The following ATP10B variants were observed in gnomAD, a reference collection of about 807,000 sequenced individuals.
ATP10B encodes phospholipid-transporting ATPase VB.
A neutral mutation model predicts 141.2 loss-of-function variants in ATP10B; 122 were observed. The ratio of observed to expected loss-of-function variants is 0.86; its 90% confidence interval spans 0.75 to 1.00. The LOEUF (loss-of-function observed/expected upper bound fraction) is 1.00. ATP10B is among the 50% of genes least tolerant of loss of function. The pLI is 0.00. For synonymous variants in ATP10B, 685 were observed against 692.0 expected, an observed-to-expected ratio of 0.99 and a Z score of 0.16; for missense variants, 1,876 against 1,825.3, an observed-to-expected ratio of 1.03 and a Z score of -0.51.
chr5:160,582,856 C>T (rs1755644922), intron 24 of ATP10B, among the ~76,000 whole-genome samples: 1 of 152,070 alleles, frequency 6.6e-6, no homozygotes, highest in Admixed American at 6.6e-5. Context: ...TCCTTTCTTC[C>T]ACTTGATCGA....
At chr5:160,741,662 G>A (rs758767254) in intron 2 of ATP10B, among the ~76,000 whole-genome samples, 1 of 152,092 alleles carries the variant, frequency 6.6e-6, no homozygotes, top group Non-Finnish European at 1.5e-5. Flanking sequence ...TTACCCAGTT[G>A]AGCCTCTTAG....
At chr5:160,909,297 G>A in the ATP10B span, among the ~76,000 whole-genome samples, 1 of 151,942 alleles carries the variant, frequency 6.6e-6, no homozygotes, top group African/African-American at 2.4e-5. Context: ...GTGTGTGTGT[G>A]TTTTTTTTAA....
chr5:160,652,823 A>G (rs1166794955), intron 7 of ATP10B, among the ~76,000 whole-genome samples: 1 of 96,006 alleles, frequency 1.0e-5, no homozygotes, highest in Non-Finnish European at 1.8e-5. Context: ...ATTATATATT[A>G]ATTATATATA....
chr5:160,887,723 A>C, the ATP10B span, among the ~76,000 whole-genome samples: 1 of 152,110 alleles, frequency 6.6e-6, no homozygotes, highest in Non-Finnish European at 1.5e-5. Context: ...TCTTTCAGTC[A>C]CTGTCCCTGC....
At chr5:160,637,246 A>ATCCATATAC (rs1278863835) in intron 10 of ATP10B, among the ~76,000 whole-genome samples, 11 of 147,532 alleles carry the variant, frequency 7.5e-5, no homozygotes, top group Non-Finnish European at 3.0e-5. Context: ...CCATTCATCC[A>ATCCATATAC]TCCATATACT....
intron 1 of ATP10B, among the ~76,000 whole-genome samples, chr5:160,807,364 CA>C (rs1288052470): frequency 1.3e-5 from 2 of 152,048 alleles, no homozygotes; most frequent in South Asian, 4.2e-4. Context: ...ATTACCTATT[CA>C]AAATGGACTT....
rs548368584 is a variant in ATP10B at position 160,785,754 on chromosome 5, C to T, written c.-526G>A. On this transcript the variant is annotated 5_prime_UTR_variant, in exon 2 of 26. It removes an upstream start codon present in the reference 5' UTR. Coordinates refer to ENST00000327245, the MANE Select transcript of ATP10B (RefSeq NM_025153.3). ...TACTTACTCTTCACACTGTTGCTTTCATTGAAACAAATGTCACCAGTCGGT... is the reference window on the plus strand; with the variant it reads ...TACTTACTCTTCACACTGTTGCTTTTATTGAAACAAATGTCACCAGTCGGT... 962 of 1,141,660 alleles carry T rather than the reference C, an allele frequency of 8.4e-4. No homozygotes were observed. The highest frequency in any genetic ancestry group is 1.0e-3 in the Non-Finnish European group (878 of 879,234). 70.7% of individuals were successfully genotyped at this position (1,141,660 alleles called of 1,614,324 possible).
Position 160,737,703 on chromosome 5 carries a change from G to A in ATP10B, c.-330-20669C>T, listed in dbSNP as rs144239302. On this transcript the variant is annotated intron_variant, in intron 2 of 25. Coordinates refer to ENST00000327245, the MANE Select transcript of ATP10B (RefSeq NM_025153.3). ...AACCAAAGATGTAGGTTGGCTATAC[G>A]AGAAATATGAGAAAAAAGAAGAGGC... Among the ~76,000 whole-genome samples, 423 of 152,082 alleles carry A rather than the reference G, an allele frequency of 2.8e-3. 3 individuals carry two copies. Among genetic ancestry groups the A allele is most frequent in the African/African-American group, 9.4e-3 (390 of 41,502 alleles).
At chr5:160,593,705 G>T (rs1756481905) in intron 22 of ATP10B, among the ~76,000 whole-genome samples, 7 of 152,208 alleles carry the variant, frequency 4.6e-5, no homozygotes, top group Non-Finnish European at 1.5e-5. Flanking sequence ...CTAATACAGA[G>T]AAGTGCTTAA....
chr5:160,649,001 A>C (rs1760505949), intron 8 of ATP10B, among the ~76,000 whole-genome samples, 170 bp downstream of exon 8: 1 of 151,814 alleles, frequency 6.6e-6, no homozygotes, highest in South Asian at 2.1e-4. Context: ...GCAAAAAAAA[A>C]AAAATAGAAA....
intron 2 of ATP10B, among the ~76,000 whole-genome samples, chr5:160,785,165 A>G (rs112956463): frequency 6.4e-4 from 98 of 152,260 alleles, no homozygotes; most frequent in African/African-American, 2.4e-3. Flanking sequence ...CTCCATTGAC[A>G]ATCTATGGAC....
chr5:160,908,155 TGTCACTATGTGC>T, the ATP10B span, among the ~76,000 whole-genome samples: 1 of 152,188 alleles, frequency 6.6e-6, no homozygotes, highest in Non-Finnish European at 1.5e-5. Flanking sequence ...CATTACACTA[TGTCACTATGTGC>T]TATCTTTTTA....
intron 3 of ATP10B, among the ~76,000 whole-genome samples, chr5:160,693,178 C>T (rs1011897073): frequency 6.6e-6 from 1 of 151,796 alleles, no homozygotes; most frequent in Non-Finnish European, 1.5e-5. Flanking sequence ...GCATAATTCT[C>T]GGTTGAATCC....
the ATP10B span, among the ~76,000 whole-genome samples, chr5:160,903,562 C>T: frequency 1.3e-5 from 2 of 152,134 alleles, no homozygotes; most frequent in South Asian, 4.1e-4. Context: ...ATGCCAACTA[C>T]CTAACAATTT....
intron 7 of ATP10B, among the ~76,000 whole-genome samples, chr5:160,663,653 C>T (rs10045305): frequency 6.0e-5 from 9 of 150,916 alleles, no homozygotes; most frequent in African/African-American, 9.8e-5. Context: ...GTGGGGAGAG[C>T]GGGGAGGGAT....
At chr5:160,862,472 T>C in the ATP10B span, among the ~76,000 whole-genome samples, 107 of 152,118 alleles carry the variant, frequency 7.0e-4, 3 homozygotes, top group South Asian at 0.021. Flanking sequence ...GTTTATTCAC[T>C]GATACCTCCT....
intron 2 of ATP10B, among the ~76,000 whole-genome samples, chr5:160,742,430 C>T (rs1267493601): frequency 1.3e-5 from 2 of 151,888 alleles, no homozygotes; most frequent in Non-Finnish European, 2.9e-5. Flanking sequence ...CTGAACCCTT[C>T]CTCAGTACCA....
At chr5:160,776,194 C>T (rs1770295582) in intron 2 of ATP10B, among the ~76,000 whole-genome samples, 1 of 152,122 alleles carries the variant, frequency 6.6e-6, no homozygotes. Context: ...GTGCCTTGCT[C>T]ACTTATTTCC....
At chr5:160,820,134 T>C (rs1166504113) in intron 1 of ATP10B, among the ~76,000 whole-genome samples, 1 of 136,218 alleles carries the variant, frequency 7.3e-6, no homozygotes, top group African/African-American at 2.5e-5. Context: ...CAATCTTTAG[T>C]GAGATTAATG....
Sources: gnomAD v4.1 joint callset for allele counts (sites outside exome capture counted in the v4.1 genomes callset) on GRCh38, gnomAD v4.1.1 for gene constraint, MANE v1.5 for transcripts, NCBI Gene and HGNC (gene_info 2026-07-23, HGNC 2026-07-21) for gene names.